MAD1L1: variants seen among roughly 807,000 people sequenced by gnomAD.
MAD1L1 encodes the protein mitotic spindle assembly checkpoint protein MAD1.
In MAD1L1, 95 loss-of-function variants were observed where a neutral mutation model predicts 96.9. The ratio of observed to expected loss-of-function variants is 0.98; its 90% CI spans 0.83 to 1.16. MAD1L1 has a LOEUF of 1.16. MAD1L1 is among the 50% of genes most tolerant of loss of function. MAD1L1 has a pLI of 0.00. For synonymous variants in MAD1L1, 473 were observed against 396.6 expected, an observed-to-expected ratio of 1.19 and a Z score of -2.29; for missense variants, 1,007 against 954.4, an observed-to-expected ratio of 1.06 and a Z score of -0.73.
chr7:2,118,800 T>C (rs1447569294), intron 11 of MAD1L1, among the ~76,000 whole-genome samples: 1 of 152,168 alleles, frequency 6.6e-6, no homozygotes, highest in East Asian at 1.9e-4. Context: ...AGCCACGTCA[T>C]ATCTCACAGG....
chr7:1,989,184 G>A (rs1007330066), intron 14 of MAD1L1, among the ~76,000 whole-genome samples: 58 of 152,196 alleles, frequency 3.8e-4, no homozygotes, highest in Admixed American at 1.2e-3. Context: ...ACAAAGCCAC[G>A]GGAGCCACTC....
At chr7:1,937,159 G>A (rs954672786) in intron 16 of MAD1L1, among the ~76,000 whole-genome samples, 5 of 152,224 alleles carry the variant, frequency 3.3e-5, no homozygotes, top group African/African-American at 4.8e-5. Flanking sequence ...CAGGAACAGG[G>A]TGAGAGGGGA....
chr7:1,926,789 G>A (rs769688054), intron 17 of MAD1L1, among the ~76,000 whole-genome samples: 27 of 152,236 alleles, frequency 1.8e-4, no homozygotes, highest in Non-Finnish European at 2.9e-4. Flanking sequence ...TCATGGAGGA[G>A]GATGGACTGC....
At chr7:2,213,130 T>C in intron 10 of MAD1L1, 82 bp downstream of exon 10, 1 of 1,455,874 alleles carries the variant, frequency 6.9e-7, no homozygotes. Context: ...GAGACTGCGC[T>C]GGTGAGCCGG....
At chr7:2,144,504 C>T (rs1038902777) in intron 11 of MAD1L1, among the ~76,000 whole-genome samples, 4 of 152,184 alleles carry the variant, frequency 2.6e-5, no homozygotes, top group Non-Finnish European at 4.4e-5. Flanking sequence ...CCCTGTTCTT[C>T]ACGAGCCCTC....
intron 18 of MAD1L1, among the ~76,000 whole-genome samples, chr7:1,860,807 G>C (rs902452327): frequency 6.6e-6 from 1 of 152,216 alleles, no homozygotes; most frequent in Non-Finnish European, 1.5e-5. Context: ...GGGATGCCGT[G>C]AGCATCCCGA....
intron 18 of MAD1L1, among the ~76,000 whole-genome samples, chr7:1,821,103 G>T (rs1401169346): frequency 6.8e-6 from 1 of 146,312 alleles, no homozygotes; most frequent in East Asian, 2.0e-4. Flanking sequence ...AGGGGGGGGG[G>T]AGAGTGAAAT....
chr7:2,014,418 C>T (rs1343552743), intron 13 of MAD1L1, 84 bp downstream of exon 13: 3 of 1,473,160 alleles, frequency 2.0e-6, no homozygotes, highest in East Asian at 4.9e-5. Context: ...TCCAGACCTC[C>T]ACCTCCCCGC....
intron 18 of MAD1L1, among the ~76,000 whole-genome samples, chr7:1,824,358 G>C (rs2128622191): frequency 1.9e-5 from 1 of 51,800 alleles, no homozygotes; most frequent in South Asian, 4.2e-4. Flanking sequence ...CACCTCTCTT[G>C]AGCCTGGTCT....
intron 17 of MAD1L1, among the ~76,000 whole-genome samples, chr7:1,926,783 G>A (rs1332182830): frequency 6.6e-6 from 1 of 152,224 alleles, no homozygotes; most frequent in African/African-American, 2.4e-5. Flanking sequence ...CACGCCTCAT[G>A]GAGGAGGATG....
intron 12 of MAD1L1, among the ~76,000 whole-genome samples, chr7:2,045,854 C>A (rs1286719993): frequency 6.6e-6 from 1 of 152,182 alleles, no homozygotes; most frequent in Non-Finnish European, 1.5e-5. Context: ...ACATGGTGAG[C>A]CCCAAGTAGT....
chr7:1,917,739 C>A (rs1788502636), intron 17 of MAD1L1, among the ~76,000 whole-genome samples: 2 of 152,184 alleles, frequency 1.3e-5, no homozygotes, highest in Admixed American at 6.5e-5. Flanking sequence ...GGCTGGCACA[C>A]GCTGCCCGGG....
At chr7:2,017,899 C>T (rs1782615624) in intron 12 of MAD1L1, among the ~76,000 whole-genome samples, 1 of 152,102 alleles carries the variant, frequency 6.6e-6, no homozygotes, top group Admixed American at 6.5e-5. Context: ...AGAAGAAACC[C>T]AGGGCACAGC....
intron 12 of MAD1L1, among the ~76,000 whole-genome samples, chr7:2,064,355 C>T (rs573634068): frequency 6.6e-6 from 1 of 152,190 alleles, no homozygotes; most frequent in East Asian, 1.9e-4. Flanking sequence ...ACTGAGAACG[C>T]GCAGGGGTCC....
At chr7:1,864,648 C>T (rs1418386063) in intron 18 of MAD1L1, among the ~76,000 whole-genome samples, 1 of 152,194 alleles carries the variant, frequency 6.6e-6, no homozygotes. Context: ...ACGTCTGTCT[C>T]CCGACCTCAC....
intron 18 of MAD1L1, chr7:1,838,920 G>C (rs1199026927): frequency 2.2e-6 from 1 of 459,916 alleles, no homozygotes; most frequent in African/African-American, 2.0e-5. Flanking sequence ...GGAGGCTGGG[G>C]ACAAGGACAG....
At chr7:2,089,894 G>T (rs1786120740) in intron 11 of MAD1L1, among the ~76,000 whole-genome samples, 1 of 152,230 alleles carries the variant, frequency 6.6e-6, no homozygotes, top group Non-Finnish European at 1.5e-5. Flanking sequence ...CATGAGATCA[G>T]AGTGGGCTGA....
intron 17 of MAD1L1, among the ~76,000 whole-genome samples, chr7:1,935,957 C>G (rs539297293): frequency 6.6e-6 from 1 of 152,376 alleles, no homozygotes; most frequent in East Asian, 1.9e-4. Context: ...CCCCCCAGAA[C>G]CAGGAGCGTG....
chr7:1,979,558 A>G (rs987373589), intron 15 of MAD1L1, among the ~76,000 whole-genome samples: 4 of 152,082 alleles, frequency 2.6e-5, no homozygotes, highest in African/African-American at 9.7e-5. Context: ...CTGCCTGGAA[A>G]CCTCTTGCCT....
Sources: allele counts gnomAD v4.1 joint callset (sites outside exome capture counted in the v4.1 genomes callset), GRCh38; gene constraint gnomAD v4.1.1; transcripts MANE v1.5; gene names NCBI Gene and HGNC (gene_info 2026-07-23, HGNC 2026-07-21).